The following CCDC80 variants were observed in gnomAD, a reference collection of about 807,000 sequenced individuals.
CCDC80 encodes coiled-coil domain-containing protein 80.
Under a neutral mutation model 78.7 loss-of-function variants are expected in CCDC80, and 49 were observed. The observed-to-expected ratio is 0.62, with a 90% CI of 0.50 to 0.79. The LOEUF is 0.79. CCDC80 is among the 30% of genes least tolerant of loss of function. The probability of loss-of-function intolerance (pLI) is 0.00; values close to 1 mark genes in which losing one functional copy is unlikely to be tolerated. For missense variants in CCDC80, 1,205 were observed against 1,198.6 expected (o/e 1.01, Z -0.08); for synonymous variants, 488 against 447.0 (o/e 1.09, Z -1.16).
rs1257735477 is a variant in CCDC80 at position 112,618,856 on chromosome 3, A to G, written c.2172+112T>C. 31 of 1,215,370 alleles carry G rather than the reference A, an allele frequency of 2.6e-5. No individual in the cohort carries two copies. The South Asian group carries it at 4.6e-4, about 18-fold the overall frequency. The allele number at this position is 1,215,370 out of a possible 1,614,324, so 75.3% of individuals were successfully genotyped here. A position where few individuals can be genotyped will look rare whatever the true frequency, so the allele number is the denominator to read the frequency against. Reference sequence around the variant, plus strand: ...ATTTGGCCCATCTCAAAACTTTCCCATTTATAAAATAATTTATGCTTACTC... The same window carrying G: ...ATTTGGCCCATCTCAAAACTTTCCCGTTTATAAAATAATTTATGCTTACTC... On this transcript the variant is annotated intron_variant, in intron 4 of 7. Coordinates refer to ENST00000206423, the MANE Select transcript of CCDC80 (RefSeq NM_199511.3).
chr3:112,608,525 A>G (rs934201609), intron 6 of CCDC80, among the ~76,000 whole-genome samples: 3 of 152,212 alleles, frequency 2.0e-5, no homozygotes, highest in African/African-American at 7.2e-5. Flanking sequence ...TGCTTTCACA[A>G]TGTGACATAG....
rs1935301393 is a variant in CCDC80 at position 112,597,464 on chromosome 3, G to A, written c.*7953C>T. On this transcript the variant is annotated 3_prime_UTR_variant, in exon 8 of 8. Transcript: ENST00000206423. Reference sequence around the variant, plus strand: ...CTCAAAGCTCAAAGTGCAAGTCTAGGTATATTCTCTAGTTTCAATCTTGGT... The same window carrying A: ...CTCAAAGCTCAAAGTGCAAGTCTAGATATATTCTCTAGTTTCAATCTTGGT... 1 of 151,866 alleles carries A rather than the reference G, an allele frequency of 6.6e-6. No homozygotes were observed. The highest frequency in any genetic ancestry group is 2.4e-5 in the African/African-American group (1 of 41,318). The allele number at this position is 151,866 out of a possible 1,614,324, so 9.4% of individuals were successfully genotyped here.
At chr3:112,605,792 A>G in intron 7 of CCDC80, 29 bp from the exon 8 acceptor site, 1 of 1,551,942 alleles carries the variant, frequency 6.4e-7, no homozygotes, top group Non-Finnish European at 8.8e-7. Flanking sequence ...AGTTATTGTT[A>G]GTAGATTAAA....
Position 112,599,918 on chromosome 3 carries a change from C to T in CCDC80, c.*5499G>A, listed in dbSNP as rs1935345599. 6.6e-6 allele frequency: 1 copy of T among 152,236 alleles called. No individual in the cohort carries two copies. Among genetic ancestry groups the T allele is most frequent in the African/African-American group, 2.4e-5 (1 of 41,466 alleles). The allele number at this position is 152,236 out of a possible 1,614,324, so 9.4% of individuals were successfully genotyped here. On this transcript the variant is annotated 3_prime_UTR_variant, in exon 8 of 8. Coordinates refer to ENST00000206423, the MANE Select transcript of CCDC80 (RefSeq NM_199511.3). ...GCAAAGCTATGTCCTCAAGAGTCTT[C>T]CAGATTTCCCCAACTCTACAGAATG...
At chr3:112,613,169 C>T (rs138304462) in intron 5 of CCDC80, among the ~76,000 whole-genome samples, 1 of 152,260 alleles carries the variant, frequency 6.6e-6, no homozygotes, top group East Asian at 1.9e-4. Flanking sequence ...CTCAGGGTCA[C>T]ACAGCTAGTA....
chr3:112,606,625 A>G (rs924240236), intron 7 of CCDC80, among the ~76,000 whole-genome samples: 2 of 150,274 alleles, frequency 1.3e-5, no homozygotes, highest in African/African-American at 4.9e-5. Flanking sequence ...GGATTTTACC[A>G]TGTTGGCCAG....
chr3:112,614,006 T>G (rs73853927), intron 5 of CCDC80, among the ~76,000 whole-genome samples: 2,855 of 152,224 alleles, frequency 0.019, 74 homozygotes, highest in African/African-American at 0.062. Flanking sequence ...GGCATGCAGG[T>G]AAGTTGAAAT....
Position 112,639,485 on chromosome 3 carries a change from T to C in CCDC80, c.421A>G (p.Ile141Val), listed in dbSNP as rs143911216. The C allele has an allele frequency of 1.2e-6, 2 of 1,614,008 alleles. No homozygotes were observed. The highest frequency in any genetic ancestry group is 1.3e-5 in the African/African-American group (1 of 74,892). ...RFPSGSSSPNILASFAGKNRV... is the reference protein window; with the variant it reads ...RFPSGSSSPNVLASFAGKNRV... ...TTCTTCCCTGCAAAGCTGGCAAGGA[T>C]GTTGGGAGAGCTGGACCCCGAAGGG... Residue 141 changes from isoleucine (I) to valine (V), a missense_variant, in exon 2 of 8, where the codon ATC becomes GTC. Physicochemically the swap from Ile to Val is conservative, Grantham distance 29. Transcript: ENST00000206423.
chr3:112,639,785 C>A lies in CCDC80; in HGVS notation c.121G>T (p.Val41Phe). 2 of 1,614,148 alleles carry A rather than the reference C, an allele frequency of 1.2e-6. No individual in the cohort carries two copies. Among genetic ancestry groups the A allele is most frequent in the Non-Finnish European group, 1.7e-6 (2 of 1,180,032 alleles). Residue 41 changes from valine to phenylalanine, a missense_variant, in exon 2 of 8, where the codon GTT (valine) becomes TTT (phenylalanine). Physicochemically the swap from Val to Phe is conservative, Grantham distance 50. Coordinates refer to ENST00000206423, the MANE Select transcript of CCDC80 (RefSeq NM_199511.3). The part of the protein sequence containing the change: ...GSHGGRKVPL[V>F]SPDSSRPARF... ...GCTGGCCTACTGCTGTCCGGAGAAA[C>A]CAAAGGCACTTTCCGTCCTCCGTGG...
At chr3:112,606,425 TTTGTTTTG>T (rs577315668) in intron 7 of CCDC80, among the ~76,000 whole-genome samples, 2,445 of 152,102 alleles carry the variant, frequency 0.016, 60 homozygotes, top group African/African-American at 0.056. Flanking sequence ...TTTGTTTTGT[TTTGTTTTG>T]TTTTGTTTTT....
intron 5 of CCDC80, among the ~76,000 whole-genome samples, chr3:112,613,521 A>T (rs1228828264): frequency 6.6e-6 from 1 of 152,220 alleles, no homozygotes; most frequent in East Asian, 1.9e-4. Flanking sequence ...AAATTTAAGT[A>T]ACCAACCTAC....
chr3:112,633,426 C>T (rs182386337), intron 2 of CCDC80, among the ~76,000 whole-genome samples: 20 of 152,276 alleles, frequency 1.3e-4, no homozygotes, highest in Middle Eastern at 3.4e-3. Context: ...TTGTCTGCCT[C>T]GCCCACTTGG....
At chr3:112,630,325 A>C in intron 2 of CCDC80, 56 bp from the exon 3 acceptor site, 1 of 1,530,036 alleles carries the variant, frequency 6.5e-7, no homozygotes, top group African/African-American at 1.4e-5. Flanking sequence ...TTCACACTGA[A>C]GCAAAACCCA....
At chr3:112,614,842 T>C (rs1452551516) in intron 5 of CCDC80, among the ~76,000 whole-genome samples, 1 of 152,178 alleles carries the variant, frequency 6.6e-6, no homozygotes, top group Non-Finnish European at 1.5e-5. Context: ...TTCCTAGAGA[T>C]GACACTAGCT....
rs1050614873 is a variant in CCDC80, at chr3:112,599,389, G to GT, written c.*6027dup. The GT allele has an allele frequency of 6.6e-6, 1 of 152,192 alleles. No homozygotes were observed. The highest frequency in any genetic ancestry group is 1.5e-5 in the Non-Finnish European group (1 of 68,084). The allele number at this position is 152,192 out of a possible 1,614,324, so 9.4% of individuals were successfully genotyped here. ...AACTCAGAGAGAACTGAGGAAAGTA[G>GT]TTAGCATGTTAACTGTGCCTCACCT... is the stretch of plus-strand genomic sequence containing the variant. On this transcript the variant is annotated 3_prime_UTR_variant, in exon 8 of 8. Transcript: ENST00000206423.
chr3:112,638,367 G>T lies in CCDC80; in HGVS notation c.1539C>A (p.Ser513Arg), dbSNP rs1467947237. 1 of 1,613,908 alleles carries T rather than the reference G, an allele frequency of 6.2e-7. No individual in the cohort carries two copies. Among genetic ancestry groups the T allele is most frequent in the Admixed American group, 1.7e-5 (1 of 59,996 alleles). ...CCTCCAGCTGAGAGGCAGTAGGCCGGCTGAGGTCATACTTCTCCTCATACT... is the reference window on the plus strand; with the variant it reads ...CCTCCAGCTGAGAGGCAGTAGGCCGTCTGAGGTCATACTTCTCCTCATACT... Reference protein sequence around the residue: ...SNEYEEKYDLSRPTASQLEDE... With the variant: ...SNEYEEKYDLRRPTASQLEDE... The change falls in exon 2 of 8, where the codon AGC (serine) becomes AGA (arginine). Residue 513 changes from serine to arginine, a missense_variant. Transcript: ENST00000206423.
chr3:112,631,856 C>T (rs185789531), intron 2 of CCDC80, among the ~76,000 whole-genome samples: 1 of 152,148 alleles, frequency 6.6e-6, no homozygotes, highest in South Asian at 2.1e-4. Context: ...GGAACGTTAA[C>T]AAAGGTTTTC....
At position 112,639,446 on chromosome 3, in the gene CCDC80, T is replaced by C. The variant is rs1332641212; in HGVS notation, c.460A>G (p.Ile154Val). The C allele has an allele frequency of 1.2e-6, 2 of 1,614,206 alleles. No individual in the cohort carries two copies. Among genetic ancestry groups the C allele is most frequent in the South Asian group, 2.2e-5 (2 of 91,088 alleles). Residue 154 changes from isoleucine (I) to valine (V), a missense_variant, in exon 2 of 8, where the codon ATC (isoleucine) becomes GTC (valine). Physicochemically the swap from Ile to Val is conservative, Grantham distance 29. Transcript: ENST00000206423. ...CCTTCCGAGGCATGAGGGGCTGAGA[T>C]GACCCATACTCTGTTCTTCCCTGCA... The part of the protein sequence containing the change: ...SFAGKNRVWV[I>V]SAPHASEGYY...
chr3:112,637,361 G>C (rs1265814780), intron 2 of CCDC80, among the ~76,000 whole-genome samples: 1 of 152,140 alleles, frequency 6.6e-6, no homozygotes, highest in African/African-American at 2.4e-5. Flanking sequence ...AAATGGGAGA[G>C]GTAGGCTTTA....
Sources: gnomAD v4.1 joint callset for allele counts (sites outside exome capture counted in the v4.1 genomes callset) on GRCh38, gnomAD v4.1.1 for gene constraint, MANE v1.5 for transcripts, NCBI Gene and HGNC (gene_info 2026-07-23, HGNC 2026-07-21) for gene names.